Variants in RASAL1 observed in about 807,000 individuals in gnomAD.
RASAL1 encodes the protein RAS protein activator like 1.
A neutral mutation model predicts 96.6 loss-of-function variants in RASAL1; 72 were observed. That is an observed-to-expected ratio of 0.75 (90% confidence interval 0.62 to 0.91). RASAL1 has a LOEUF of 0.91. RASAL1 is among the 40% of genes least tolerant of loss of function. RASAL1 has a pLI of 0.00. For missense variants in RASAL1, 1,016 were observed against 1,072.5 expected, an observed-to-expected ratio of 0.95 and a Z score of 0.74; for synonymous variants, 405 against 430.4, an observed-to-expected ratio of 0.94 and a Z score of 0.73.
In RASAL1 at chr12:113,115,773, G is replaced by A; in HGVS notation, c.865C>T (p.Pro289Ser). The A allele has an allele frequency of 6.2e-7, 1 of 1,614,148 alleles. No individual in the cohort carries two copies. The change falls in exon 10 of 21, where the codon CCC (proline) becomes TCC (serine). Residue 289 changes from proline to serine, a missense_variant. Transcript: ENST00000548055. The surrounding 1 kb of genome is among the most constrained non-coding windows in gnomAD (Gnocchi z 4.1). ...GTCAGCTCTTCCAGCAAAGCCAAGGGGCTAGCAGTGTCCTCCTGGGTGGGG... is the reference window on the plus strand; with the variant it reads ...GTCAGCTCTTCCAGCAAAGCCAAGGAGCTAGCAGTGTCCTCCTGGGTGGGG... Reference protein sequence around the residue: ...QGPAEEDTASPLALLEELTLG... With the variant: ...QGPAEEDTASSLALLEELTLG...
Position 113,104,277 on chromosome 12 carries a change from AC to A in RASAL1, c.1851del (p.Ser618LeufsTer9). 1 of 1,579,246 alleles carries A rather than the reference AC, an allele frequency of 6.3e-7. No individual in the cohort carries two copies. Among genetic ancestry groups the A allele is most frequent in the Non-Finnish European group, 8.6e-7 (1 of 1,162,648 alleles). ...PEWQMCHSIPVSHIRAVERVD... is the reference protein window; with the variant it reads ...PEWQMCHSIPXSHIRAVERVD... Reference sequence around the variant, plus strand: ...ACGCGCTCCACGGCGCGGATGTGAGACACGGGGATGGAGTGACACATCTGGG... The same window carrying A: ...ACGCGCTCCACGGCGCGGATGTGAGAACGGGGATGGAGTGACACATCTGGG... On this transcript the variant is annotated frameshift_variant, in exon 17 of 21. Transcript: ENST00000548055. LOFTEE classifies it high-confidence loss of function.
chr12:113,130,794 C>G lies in RASAL1; in HGVS notation c.122+91G>C. ...CCGCGAGTCCCCCTCAGGGTAAGCA[C>G]TCCTTTAAATGTGAATTCTTGGTCC... On this transcript the variant is annotated intron_variant, in intron 2 of 20. Coordinates refer to ENST00000548055, the MANE Select transcript of RASAL1 (RefSeq NM_001301202.2). This position sits in a 1 kb window ranked among gnomAD's most constrained non-coding sequence, Gnocchi z 5.1. 1.8e-6 allele frequency: 2 copies of G among 1,117,218 alleles called. No individual in the cohort carries two copies. Among genetic ancestry groups the G allele is most frequent in the Middle Eastern group, 2.0e-4 (1 of 4,938 alleles). 69.2% of individuals were successfully genotyped at this position (1,117,218 alleles called of 1,614,324 possible).
intron 15 of RASAL1, among the ~76,000 whole-genome samples, chr12:113,106,185 C>A (rs1950638564): frequency 6.6e-6 from 1 of 152,162 alleles, no homozygotes; most frequent in Non-Finnish European, 1.5e-5. Context: ...CCCATCCAGG[C>A]AATGTCCAGC....
intron 16 of RASAL1, among the ~76,000 whole-genome samples, chr12:113,105,410 T>C (rs1024294471): frequency 6.6e-6 from 1 of 152,270 alleles, no homozygotes; most frequent in Non-Finnish European, 1.5e-5. Context: ...TAGATCCTGG[T>C]GGGAGCATTG....
intron 18 of RASAL1, among the ~76,000 whole-genome samples, chr12:113,103,327 C>T (rs997555372): frequency 9.9e-5 from 15 of 151,486 alleles, no homozygotes; most frequent in African/African-American, 3.6e-4. Context: ...AACAAAAGGC[C>T]GGGCACGGTG....
intron 15 of RASAL1, among the ~76,000 whole-genome samples, chr12:113,106,836 A>T (rs779679343): frequency 2.6e-5 from 4 of 152,204 alleles, no homozygotes; most frequent in Non-Finnish European, 4.4e-5. Context: ...CGCTTAATAG[A>T]TGTTTGTCAA....
intron 19 of RASAL1, 107 bp downstream of exon 19, chr12:113,101,782 C>T (rs1007719120): frequency 4.0e-5 from 56 of 1,409,680 alleles, no homozygotes; most frequent in South Asian, 2.2e-4. Context: ...CGGGGAATAT[C>T]CACCAACACA....
intron 6 of RASAL1, 49 bp downstream of exon 6, chr12:113,119,313 C>T (rs1270327206): frequency 6.2e-7 from 1 of 1,612,310 alleles, no homozygotes; most frequent in African/African-American, 1.3e-5. Flanking sequence ...GACTCCTGCC[C>T]CACCACCAAA....
chr12:113,121,747 G>T, intron 4 of RASAL1, 109 bp from the exon 5 acceptor site: 2 of 1,280,594 alleles, frequency 1.6e-6, no homozygotes, highest in South Asian at 1.5e-5. Context: ...TTTGACACAG[G>T]GTCTGGTTCT....
chr12:113,103,026 C>A, intron 18 of RASAL1: 1 of 299,254 alleles, frequency 3.3e-6, no homozygotes, highest in South Asian at 2.8e-5. Flanking sequence ...GGAAGCCCTC[C>A]TTGAGTCCCC....
Position 113,115,167 on chromosome 12 carries a change from T to C in RASAL1, c.1068+33A>G. 6.3e-7 allele frequency: 1 copy of C among 1,586,068 alleles called. No individual in the cohort carries two copies. The highest frequency in any genetic ancestry group is 8.7e-7 in the Non-Finnish European group (1 of 1,154,938). ...CTGGGAAGGAGGTACCCGAGGAAGC[T>C]GCGCCTGGTCCCGCAGGCCTTCACC... On this transcript the variant is annotated intron_variant, in intron 11 of 20. Transcript: ENST00000548055. This position sits in a 1 kb window ranked among gnomAD's most constrained non-coding sequence, Gnocchi z 4.1.
At position 113,103,595 on chromosome 12, in the gene RASAL1, G is replaced by A. The variant is rs561692065; in HGVS notation, c.2104+351C>T. On this transcript the variant is annotated intron_variant, in intron 18 of 20. Coordinates refer to ENST00000548055, the MANE Select transcript of RASAL1 (RefSeq NM_001301202.2). ...CACTCCAGCCTGGGCAATAGAGTGA[G>A]ACTCTGTCTCAAAAAAAAAAAAAAT... 8.1e-4 allele frequency among the ~76,000 whole-genome samples: 122 copies of A among 150,454 alleles called. 1 individual carries two copies. The highest frequency in any genetic ancestry group is 2.9e-3 in the African/African-American group (119 of 40,760).
At chr12:113,117,029 G>T in intron 8 of RASAL1, 44 bp downstream of exon 8, 2 of 1,461,080 alleles carry the variant, frequency 1.4e-6, no homozygotes. Context: ...GATGCTGCCC[G>T]GCATGGCTCC....
chr12:113,101,845 T>C (rs1345578485), intron 19 of RASAL1, 44 bp downstream of exon 19: 8 of 1,595,210 alleles, frequency 5.0e-6, no homozygotes, highest in Non-Finnish European at 6.8e-6. Context: ...GGGGCTGGCC[T>C]GGCTGGTCAT....
chr12:113,104,712 G>A (rs2701620), intron 16 of RASAL1, among the ~76,000 whole-genome samples: 116,780 of 151,824 alleles, frequency 0.77, 44,982 homozygotes, highest in Admixed American at 0.83. Context: ...ATGTTGGCCA[G>A]GCTGGTCTCG....
intron 7 of RASAL1, among the ~76,000 whole-genome samples, chr12:113,117,554 T>C (rs1951134554): frequency 6.6e-6 from 1 of 152,218 alleles, no homozygotes; most frequent in Non-Finnish European, 1.5e-5. Context: ...TCTCTCTCTT[T>C]TTAAATAACT....
In RASAL1 at chr12:113,103,968, G is replaced by C. The variant is rs1950553267; in HGVS notation, c.2082C>G (p.Cys694Trp). ...PGAFRSARWT[C>W]CLQAERSAAG... ...CACCTGAGCGCTCAGCCTGGAGGCA[G>C]CAGGTCCAGCGCGCGCTGCGGAAGG... The change falls in exon 18 of 21, where the codon TGC becomes TGG. Residue 694 changes from cysteine to tryptophan, a missense_variant. Physicochemically the swap from Cys to Trp is radical, Grantham distance 215. Coordinates refer to ENST00000548055, the MANE Select transcript of RASAL1 (RefSeq NM_001301202.2). 3 of 1,561,670 alleles carry C rather than the reference G, an allele frequency of 1.9e-6. No homozygotes were observed. Among genetic ancestry groups the C allele is most frequent in the Admixed American group, 3.8e-5 (2 of 52,526 alleles).
intron 15 of RASAL1, 24 bp from the exon 16 acceptor site, chr12:113,105,910 G>A (rs372288724): frequency 2.1e-5 from 33 of 1,601,342 alleles, no homozygotes; most frequent in Non-Finnish European, 2.7e-5. Flanking sequence ...GAAGAGAGCG[G>A]TGGACAGTGA....
At chr12:113,127,651 A>G (rs1400288900) in intron 4 of RASAL1, among the ~76,000 whole-genome samples, 161 bp downstream of exon 4, 1 of 152,160 alleles carries the variant, frequency 6.6e-6, no homozygotes, top group Non-Finnish European at 1.5e-5. Context: ...CCTCATCTCT[A>G]ACAACAACAA....
Sources: gnomAD v4.1 joint callset for allele counts (sites outside exome capture counted in the v4.1 genomes callset) on GRCh38, gnomAD v4.1.1 for gene constraint, Gnocchi (gnomAD v3.1) non-coding constraint, MANE v1.5 for transcripts, NCBI Gene and HGNC (gene_info 2026-07-23, HGNC 2026-07-21) for gene names.